The following CTPS1 variants were observed in gnomAD, a reference collection of about 807,000 sequenced individuals.
The protein encoded by CTPS1 is CTP synthetase 1.
In CTPS1, 25 loss-of-function variants were observed where a neutral mutation model predicts 80.5. The ratio of observed to expected loss-of-function variants is 0.31; its 90% CI spans 0.23 to 0.43. The LOEUF is 0.43. CTPS1 is among the 20% of genes least tolerant of loss of function. CTPS1 has a pLI of 1.00. For missense variants in CTPS1, 442 were observed against 725.7 expected, an observed-to-expected ratio of 0.61 and a Z score of 4.49; for synonymous variants, 267 against 252.5, an observed-to-expected ratio of 1.06 and a Z score of -0.54.
At chr1:40,987,513 TC>T (rs1428906462) in intron 4 of CTPS1, 41 bp downstream of exon 4, 1 of 1,395,358 alleles carries the variant, frequency 7.2e-7, no homozygotes, top group Admixed American at 1.8e-5. Flanking sequence ...TGTACTCATC[TC>T]CTTAGTCAGC....
rs199867953 is a variant in CTPS1, at chr1:40,996,096, G to A, written c.872+28G>A. On this transcript the variant is annotated intron_variant, in intron 8 of 18. Coordinates refer to ENST00000650070, the MANE Select transcript of CTPS1 (RefSeq NM_001905.4). ...TTGCCTGCAATGAGGAGCTGGGAGT[G>A]CTAGCCTCCTTTACTCTTTTGTAGG... 125 of 1,613,366 alleles carry A rather than the reference G, an allele frequency of 7.7e-5. No homozygotes were observed. The Middle Eastern group carries it at 9.9e-4, about 13-fold the overall frequency.
At chr1:41,000,080 A>C (rs541238927) in intron 9 of CTPS1, among the ~76,000 whole-genome samples, 2 of 152,364 alleles carry the variant, frequency 1.3e-5, no homozygotes, top group African/African-American at 4.8e-5. Context: ...AGCCAGACAC[A>C]AAAGGTTATA....
At chr1:41,010,308 G>T in intron 18 of CTPS1, 54 bp downstream of exon 18, 1 of 1,250,328 alleles carries the variant, frequency 8.0e-7, no homozygotes, top group South Asian at 1.2e-5. Context: ...AACACACTGC[G>T]ATTGCAAGAA....
chr1:41,000,647 G>A (rs1398055246), intron 9 of CTPS1, among the ~76,000 whole-genome samples: 2 of 151,972 alleles, frequency 1.3e-5, no homozygotes, highest in African/African-American at 2.4e-5. Context: ...GCTTCAATAT[G>A]GTAGAAAGAA....
In CTPS1 at chr1:40,984,881, G is replaced by A. The variant is rs1642411810; in HGVS notation, c.227G>A (p.Arg76Gln). 1 of 1,603,390 alleles carries A rather than the reference G, an allele frequency of 6.2e-7. No individual in the cohort carries two copies. The highest frequency in any genetic ancestry group is 8.5e-7 in the Non-Finnish European group (1 of 1,173,152). The change falls in exon 3 of 19, where the codon CGG becomes CAG. Residue 76 changes from arginine to glutamine, a missense_variant. By Grantham distance (43) the Arg-to-Gln change is conservative. Coordinates refer to ENST00000650070, the MANE Select transcript of CTPS1 (RefSeq NM_001905.4). The stretch of plus-strand genomic sequence containing the variant: ...GACCTTGACCTGGGTAACTATGAGC[G>A]GTTCCTTGACATCCGCCTCACCAAG... ...EVDLDLGNYE[R>Q]FLDIRLTKDN...
chr1:40,985,360 T>TA (rs1269912393), intron 3 of CTPS1, among the ~76,000 whole-genome samples: 2 of 152,342 alleles, frequency 1.3e-5, no homozygotes, highest in South Asian at 2.1e-4. Flanking sequence ...ATCTGGGACT[T>TA]ACTATGTATA....
chr1:40,999,713 C>A (rs886741153), intron 9 of CTPS1, among the ~76,000 whole-genome samples: 5 of 152,154 alleles, frequency 3.3e-5, no homozygotes, highest in African/African-American at 7.2e-5. Context: ...TTGAAAACGT[C>A]CACAAAAAAA....
chr1:40,997,290 A>T (rs1393289639), intron 8 of CTPS1, 104 bp from the exon 9 acceptor site: 1 of 1,373,954 alleles, frequency 7.3e-7, no homozygotes, highest in African/African-American at 1.5e-5. Context: ...GCGTGAGCTC[A>T]TCCTGGCCAG....
At chr1:41,004,095 G>C (rs887617589) in intron 12 of CTPS1, 2 of 152,306 alleles carry the variant, frequency 1.3e-5, no homozygotes, top group Admixed American at 6.5e-5. Flanking sequence ...GGCAGGGGAG[G>C]AGAACACACA....
intron 10 of CTPS1, 30 bp downstream of exon 10, chr1:41,001,147 A>G: frequency 1.3e-6 from 2 of 1,542,714 alleles, no homozygotes; most frequent in Non-Finnish European, 1.8e-6. Flanking sequence ...TTGGGTTTCC[A>G]GAGTTCTTTT....
At chr1:40,980,423 G>C (rs934424133) in intron 1 of CTPS1, 1 of 152,384 alleles carries the variant, frequency 6.6e-6, no homozygotes, top group African/African-American at 2.4e-5. Flanking sequence ...CTTCCCGGCG[G>C]CCGGGGGTCG....
intron 13 of CTPS1, among the ~76,000 whole-genome samples, chr1:41,006,714 T>C (rs1029445429): frequency 6.6e-6 from 1 of 152,192 alleles, no homozygotes; most frequent in Non-Finnish European, 1.5e-5. Context: ...AGGGCACTTA[T>C]TTACGTTTTT....
At chr1:41,005,061 G>A (rs1642998573) in intron 12 of CTPS1, among the ~76,000 whole-genome samples, 1 of 152,170 alleles carries the variant, frequency 6.6e-6, no homozygotes, top group Admixed American at 6.5e-5. Flanking sequence ...TTCTGGAGGT[G>A]TAGGTTGCAG....
At chr1:40,995,729 A>G (rs958454010) in intron 7 of CTPS1, among the ~76,000 whole-genome samples, 188 bp from the exon 8 acceptor site, 2 of 152,120 alleles carry the variant, frequency 1.3e-5, no homozygotes, top group Non-Finnish European at 2.9e-5. Context: ...TTTTGCATCC[A>G]TGTTCATAAT....
chr1:41,003,935 C>G (rs566658127), intron 12 of CTPS1: 18 of 152,442 alleles, frequency 1.2e-4, no homozygotes, highest in African/African-American at 4.3e-4. Context: ...CTGTCTCCAC[C>G]TAGTGGCTCA....
intron 13 of CTPS1, among the ~76,000 whole-genome samples, chr1:41,006,402 C>A (rs1453516654): frequency 6.6e-6 from 1 of 152,158 alleles, no homozygotes; most frequent in Non-Finnish European, 1.5e-5. Flanking sequence ...AGTATAGATA[C>A]TAATATGAGA....
intron 18 of CTPS1, among the ~76,000 whole-genome samples, chr1:41,011,117 G>T (rs1643161613): frequency 6.6e-6 from 1 of 152,226 alleles, no homozygotes; most frequent in Non-Finnish European, 1.5e-5. Context: ...CTGACCTGCT[G>T]ATCCCAGCTG....
At chr1:41,006,776 C>G (rs970225303) in intron 13 of CTPS1, among the ~76,000 whole-genome samples, 2 of 152,248 alleles carry the variant, frequency 1.3e-5, no homozygotes, top group Non-Finnish European at 2.9e-5. Flanking sequence ...GCCCTTGTCA[C>G]TGAGGACACC....
At chr1:40,991,492 T>C (rs559767127) in intron 6 of CTPS1, among the ~76,000 whole-genome samples, 2 of 152,306 alleles carry the variant, frequency 1.3e-5, no homozygotes, top group South Asian at 4.1e-4. Flanking sequence ...TTACTCCTAC[T>C]TGGGAACACT....
Sources: gnomAD v4.1 joint callset for allele counts (sites outside exome capture counted in the v4.1 genomes callset) on GRCh38, gnomAD v4.1.1 for gene constraint, MANE v1.5 for transcripts, NCBI Gene and HGNC (gene_info 2026-07-23, HGNC 2026-07-21) for gene names.